Variants in EFCAB6 observed in about 807,000 individuals in gnomAD.
The protein encoded by EFCAB6 is EF-hand calcium binding domain 6.
A neutral mutation model predicts 169.8 loss-of-function variants in EFCAB6; 156 were observed. The ratio of observed to expected loss-of-function variants is 0.92; its 90% CI spans 0.81 to 1.05. EFCAB6 has a LOEUF of 1.05. EFCAB6 is among the 50% of genes least tolerant of loss of function. EFCAB6 has a pLI of 0.00. For missense variants in EFCAB6, 1,800 were observed against 1,829.1 expected, an observed-to-expected ratio of 0.98 and a Z score of 0.29; for synonymous variants, 698 against 676.4, an observed-to-expected ratio of 1.03 and a Z score of -0.50.
At position 43,673,819 on chromosome 22, in the gene EFCAB6, T is replaced by C. The variant is rs183742827; in HGVS notation, c.1420-1514A>G. On this transcript the variant is annotated intron_variant, in intron 13 of 31. Transcript: ENST00000262726. ...TAAAATTAGATAGCAGAACTTTTAT[T>C]GACGTTAAGTGTTAACAGTATGTTA... 4.3e-3 allele frequency among the ~76,000 whole-genome samples: 650 copies of C among 152,194 alleles called. 2 individuals carry two copies. The highest frequency in any genetic ancestry group is 0.027 in the Middle Eastern group (8 of 294).
Position 43,639,696 on chromosome 22 carries a change from A to C in EFCAB6, c.1984-4480T>G, listed in dbSNP as rs111705132. Among the ~76,000 whole-genome samples, 142 of 152,262 alleles carry C rather than the reference A, an allele frequency of 9.3e-4. 1 individual carries two copies. The highest frequency in any genetic ancestry group is 2.7e-3 in the African/African-American group (114 of 41,562). ...TTAGGGCTTTTCACCAAAATTGGGA[A>C]ATTTTAGCCATTATTTCTTCACATA... On this transcript the variant is annotated intron_variant, in intron 17 of 31. Transcript: ENST00000262726.
At chr22:43,730,361 A>C (rs1327382876) in intron 8 of EFCAB6, among the ~76,000 whole-genome samples, 1 of 149,108 alleles carries the variant, frequency 6.7e-6, no homozygotes, top group African/African-American at 2.5e-5. Flanking sequence ...AAGAGAAAAA[A>C]TGAAGCAGGC....
At chr22:43,792,800 G>T (rs1307553639) in intron 2 of EFCAB6, among the ~76,000 whole-genome samples, 1 of 152,152 alleles carries the variant, frequency 6.6e-6, no homozygotes, top group African/African-American at 2.4e-5. Context: ...AGTTCACATG[G>T]TTGTCAATGA....
intron 23 of EFCAB6, among the ~76,000 whole-genome samples, chr22:43,597,911 G>A (rs189525094): frequency 3.3e-5 from 5 of 152,194 alleles, no homozygotes; most frequent in Admixed American, 6.5e-5. Flanking sequence ...GAAGAAAATC[G>A]TCATTCACAG....
At chr22:43,578,081 C>T (rs1054462367) in intron 25 of EFCAB6, among the ~76,000 whole-genome samples, 1 of 152,064 alleles carries the variant, frequency 6.6e-6, no homozygotes, top group Non-Finnish European at 1.5e-5. Flanking sequence ...TTCAATTCTT[C>T]AAACCACCTG....
At chr22:43,725,996 C>T (rs2059711672) in intron 8 of EFCAB6, among the ~76,000 whole-genome samples, 1 of 151,920 alleles carries the variant, frequency 6.6e-6, no homozygotes, top group Non-Finnish European at 1.5e-5. Flanking sequence ...GACTGTGGTA[C>T]CAGTTAGGAG....
At position 43,688,878 on chromosome 22, in the gene EFCAB6, C is replaced by T. The variant is rs527998349; in HGVS notation, c.1032-1297G>A. On this transcript the variant is annotated intron_variant, in intron 10 of 31. Transcript: ENST00000262726. ...CTCAAAGTGGGCATGAAACAGACTG[C>T]CCTGTTTTGATTGCTAAAAATTAAT... Among the ~76,000 whole-genome samples the T allele has an allele frequency of 2.6e-5, 4 of 152,274 alleles. No individual in the cohort carries two copies. The Middle Eastern group carries it at 0.014, about 518-fold the overall frequency.
At chr22:43,538,962 C>T (rs2047540411) in intron 28 of EFCAB6, among the ~76,000 whole-genome samples, 1 of 152,180 alleles carries the variant, frequency 6.6e-6, no homozygotes, top group Non-Finnish European at 1.5e-5. Flanking sequence ...ATTTTCTTGC[C>T]TTTTCAATTT....
intron 31 of EFCAB6, chr22:43,530,487 T>C (rs2046991759): frequency 2.0e-6 from 2 of 978,578 alleles, no homozygotes; most frequent in South Asian, 4.7e-5. Context: ...AGCCCAGGTG[T>C]GGGGAGAGGG....
intron 27 of EFCAB6, 200 bp from the exon 28 acceptor site, chr22:43,540,557 G>T (rs1488175724): frequency 2.1e-5 from 32 of 1,518,550 alleles, no homozygotes; most frequent in Non-Finnish European, 2.7e-5. Flanking sequence ...GAAAAGCAAA[G>T]ACAAGAGGAT....
rs138305597 is a variant in EFCAB6, at chr22:43,578,685, T to C, written c.3228+1779A>G. 8.7e-4 allele frequency among the ~76,000 whole-genome samples: 132 copies of C among 151,822 alleles called. 2 individuals carry two copies. Among genetic ancestry groups the C allele is most frequent in the Middle Eastern group, 3.4e-3 (1 of 290 alleles). Reference sequence around the variant, plus strand: ...CTACACGCGGTCATCATTCCCTACGTGCAGGCATTATTCTGTACATGCAGG... The same window carrying C: ...CTACACGCGGTCATCATTCCCTACGCGCAGGCATTATTCTGTACATGCAGG... On this transcript the variant is annotated intron_variant, in intron 25 of 31. Transcript: ENST00000262726.
intron 26 of EFCAB6, among the ~76,000 whole-genome samples, chr22:43,565,808 G>T (rs2049386453): frequency 2.0e-5 from 3 of 151,734 alleles, no homozygotes; most frequent in Admixed American, 1.3e-4. Flanking sequence ...TCAGCAGGTA[G>T]CAAAAACTCC....
At chr22:43,687,337 A>T in intron 11 of EFCAB6, 134 bp downstream of exon 11, 1 of 573,604 alleles carries the variant, frequency 1.7e-6, no homozygotes, top group Non-Finnish European at 2.9e-6. Flanking sequence ...TCACTATATA[A>T]AAGTTGGCAA....
chr22:43,668,289 G>A (rs2057349229), intron 16 of EFCAB6, among the ~76,000 whole-genome samples: 2 of 152,166 alleles, frequency 1.3e-5, no homozygotes, highest in South Asian at 4.1e-4. Flanking sequence ...CAATGAATGA[G>A]CAAGTTAGAA....
chr22:43,726,914 C>T (rs2059757612), intron 8 of EFCAB6, among the ~76,000 whole-genome samples: 1 of 152,132 alleles, frequency 6.6e-6, no homozygotes, highest in Non-Finnish European at 1.5e-5. Context: ...TAACAGAATG[C>T]ATAGTTTCTA....
At chr22:43,570,948 C>T (rs921950886) in intron 26 of EFCAB6, among the ~76,000 whole-genome samples, 3 of 152,188 alleles carry the variant, frequency 2.0e-5, no homozygotes, top group African/African-American at 7.2e-5. Context: ...AGAGCAGCGG[C>T]CTGGGACCTG....
chr22:43,577,693 A>G (rs1335603069), intron 25 of EFCAB6, among the ~76,000 whole-genome samples: 3 of 151,100 alleles, frequency 2.0e-5, no homozygotes, highest in Non-Finnish European at 4.4e-5. Flanking sequence ...AAGAATGAAC[A>G]CAGACAACTG....
intron 17 of EFCAB6, among the ~76,000 whole-genome samples, chr22:43,638,987 G>C (rs190102195): frequency 6.6e-6 from 1 of 151,638 alleles, no homozygotes; most frequent in Non-Finnish European, 1.5e-5. Context: ...GTTTCTCCAT[G>C]TTGATCAGGC....
chr22:43,797,409 G>T (rs2062550509), intron 2 of EFCAB6: 1 of 152,460 alleles, frequency 6.6e-6, no homozygotes. Flanking sequence ...TTTCTTATTC[G>T]GCCTATGCAA....
Sources: gnomAD v4.1 joint callset for allele counts (sites outside exome capture counted in the v4.1 genomes callset) on GRCh38, gnomAD v4.1.1 for gene constraint, MANE v1.5 for transcripts, NCBI Gene and HGNC (gene_info 2026-07-23, HGNC 2026-07-21) for gene names.